TNS2: variants seen among roughly 807,000 people sequenced by gnomAD.
TNS2 encodes tensin-2.
TNS2 carries 77 observed loss-of-function variants against 155.7 expected under a neutral mutation model. That is an observed-to-expected ratio of 0.49 (90% CI 0.41 to 0.60). The LOEUF is 0.60. TNS2 is among the 20% of genes least tolerant of loss of function. The probability of loss-of-function intolerance (pLI) is 0.00; values close to 1 mark genes in which losing one functional copy is unlikely to be tolerated. For synonymous variants in TNS2, 726 were observed against 763.9 expected (o/e 0.95, Z 0.82); for missense variants, 1,703 against 1,868.8 (o/e 0.91, Z 1.64).
At position 53,060,616 on chromosome 12, in the gene TNS2, G is replaced by A. The variant is rs1025422134; in HGVS notation, c.2769-59G>A. The stretch of plus-strand genomic sequence containing the variant: ...TTGTCCAAGCAGTTGATGAAGGCAG[G>A]TGGGGTGGGAGCAGCCACAATGGGG... On this transcript the variant is annotated intron_variant, in intron 19 of 28. Transcript: ENST00000314250. This position sits in a 1 kb window ranked among gnomAD's most constrained non-coding sequence, Gnocchi z 6.1. 11 of 1,595,126 alleles carry A rather than the reference G, an allele frequency of 6.9e-6. No homozygotes were observed. The South Asian group carries it at 1.1e-4, about 16-fold the overall frequency.
In TNS2 at chr12:53,060,950, C is replaced by A; in HGVS notation, c.3044C>A (p.Ala1015Asp). 6.2e-7 allele frequency: 1 copy of A among 1,602,702 alleles called. No homozygotes were observed. Among genetic ancestry groups the A allele is most frequent in the Non-Finnish European group, 8.5e-7 (1 of 1,175,162 alleles). ...ACCACACTTCCTGGCCTCCGCCACGCCCCCTGGCAAGGCCCTCGAGGCCCC... is the reference window on the plus strand; with the variant it reads ...ACCACACTTCCTGGCCTCCGCCACGACCCCTGGCAAGGCCCTCGAGGCCCC... ...VPTTLPGLRH[A>D]PWQGPRGPPD... Residue 1015 changes from alanine (A) to aspartate (D), a missense_variant, in exon 20 of 29, where the codon GCC becomes GAC. Coordinates refer to ENST00000314250, the MANE Select transcript of TNS2 (RefSeq NM_170754.4). This position sits in a 1 kb window ranked among gnomAD's most constrained non-coding sequence, Gnocchi z 6.1.
Position 53,059,961 on chromosome 12 carries a change from C to T in TNS2, c.2320C>T (p.Pro774Ser). ...CGAGGGCTGCTCCTACACCATGTGC[C>T]CCGAAGGCAGGTATGGGCATCCAGG... ...GHEGCSYTMC[P>S]EGRYGHPGYP... Residue 774 changes from proline (P) to serine (S), a missense_variant, in exon 18 of 29, where the codon CCC becomes TCC. Pro to Ser is a moderately conservative substitution (Grantham distance 74). Coordinates refer to ENST00000314250, the MANE Select transcript of TNS2 (RefSeq NM_170754.4). The surrounding 1 kb of genome is among the most constrained non-coding windows in gnomAD (Gnocchi z 4.7). 1 of 1,612,810 alleles carries T rather than the reference C, an allele frequency of 6.2e-7. No individual in the cohort carries two copies. Among genetic ancestry groups the T allele is most frequent in the Non-Finnish European group, 8.5e-7 (1 of 1,179,684 alleles).
chr12:53,063,687 G>A lies in TNS2; in HGVS notation c.4092-57G>A. 2 of 1,614,078 alleles carry A rather than the reference G, an allele frequency of 1.2e-6. No homozygotes were observed. The highest frequency in any genetic ancestry group is 1.7e-6 in the Non-Finnish European group (2 of 1,179,962). On this transcript the variant is annotated intron_variant, in intron 28 of 28. Coordinates refer to ENST00000314250, the MANE Select transcript of TNS2 (RefSeq NM_170754.4). The surrounding 1 kb of genome is among the most constrained non-coding windows in gnomAD (Gnocchi z 5.6). ...CATTTGATTTGTCTCACCAAGGCCA[G>A]CTACATTCCCTTGTGGAAGGAATGT...
rs776262989 is a variant in TNS2, at chr12:53,062,390, T to C, written c.3682T>C (p.Leu1228=). Residue 1228 remains leucine, a synonymous_variant, in exon 24 of 29, where the codon TTG becomes CTG. Coordinates refer to ENST00000314250, the MANE Select transcript of TNS2 (RefSeq NM_170754.4). ...CTCTCCCACAGGCAGCCTGTCCGCC[T>C]TGGTCTCCCAGCACTCCATCTCCCC... The part of the protein sequence containing the change: ...SEPYFGSLSA[L]VSQHSISPIS... The C allele has an allele frequency of 1.2e-6, 2 of 1,614,018 alleles. No homozygotes were observed. Among genetic ancestry groups the C allele is most frequent in the African/African-American group, 1.3e-5 (1 of 75,012 alleles).
In TNS2 at chr12:53,050,223, C is replaced by T. The variant is rs749029842; in HGVS notation, c.38C>T (p.Ala13Val). 1.1e-4 allele frequency: 185 copies of T among 1,610,530 alleles called. 6 individuals carry two copies. In the East Asian group the frequency reaches 2.1e-3, roughly 18 times the overall value. ...GGCCCTGTGGAGAGGCTGCTCAGAG[C>T]CCTGGGGAGGAGGGACAGCAGCCGG... ...SSGPVERLLR[A>V]LGRRDSSRAA... Residue 13 changes from alanine to valine, a missense_variant, in exon 1 of 29, where the codon GCC (alanine) becomes GTC (valine). By Grantham distance (64) the Ala-to-Val change is moderately conservative. Transcript: ENST00000314250. The surrounding 1 kb of genome is among the most constrained non-coding windows in gnomAD (Gnocchi z 4.7).
Position 53,057,638 on chromosome 12 carries a change from ATG to A in TNS2, c.920_921del (p.Val307AlafsTer9). 6.2e-7 allele frequency: 1 copy of A among 1,614,042 alleles called. No homozygotes were observed. On this transcript the variant is annotated frameshift_variant, in exon 12 of 29. Transcript: ENST00000314250. LOFTEE classifies it high-confidence loss of function. ...AACAGCAGCCCTCTCTTCCTGCACT[ATG>A]TGCTCATCCCCATGCTGCCAGCCTT...
Position 53,059,587 on chromosome 12 carries a change from A to C in TNS2, c.1946A>C (p.Glu649Ala). Reference sequence around the variant, plus strand: ...AGGCGCCTCTGCCGATCGCTGTCAGAGGGGCTATACCCCTACCCACCTGAG... The same window carrying C: ...AGGCGCCTCTGCCGATCGCTGTCAGCGGGGCTATACCCCTACCCACCTGAG... The part of the protein sequence containing the change: ...EKRRLCRSLS[E>A]GLYPYPPEMG... Residue 649 changes from glutamate (E) to alanine (A), a missense_variant, in exon 18 of 29, where the codon GAG becomes GCG. Transcript: ENST00000314250. This position sits in a 1 kb window ranked among gnomAD's most constrained non-coding sequence, Gnocchi z 4.7. 1 of 1,606,194 alleles carries C rather than the reference A, an allele frequency of 6.2e-7. No individual in the cohort carries two copies. The highest frequency in any genetic ancestry group is 8.5e-7 in the Non-Finnish European group (1 of 1,176,692).
At position 53,050,915 on chromosome 12, in the gene TNS2, C is replaced by CG. The variant is rs1205726906; in HGVS notation, c.75+658dup. Among the ~76,000 whole-genome samples, 9 of 152,138 alleles carry CG rather than the reference C, an allele frequency of 5.9e-5. No individual in the cohort carries two copies. Among genetic ancestry groups the CG allele is most frequent in the Middle Eastern group, 3.4e-3 (1 of 294 alleles). On this transcript the variant is annotated intron_variant, in intron 1 of 28. Coordinates refer to ENST00000314250, the MANE Select transcript of TNS2 (RefSeq NM_170754.4). This position sits in a 1 kb window ranked among gnomAD's most constrained non-coding sequence, Gnocchi z 4.7. ...CTGAGATACTACTGTGATGGGTCCC[C>CG]GGGAGGAGGACAGCAGGAGTCTGAA... is the stretch of plus-strand genomic sequence containing the variant.
At position 53,062,170 on chromosome 12, in the gene TNS2, C is replaced by T; in HGVS notation, c.3592C>T (p.Leu1198=). 6.2e-7 allele frequency: 1 copy of T among 1,614,070 alleles called. No individual in the cohort carries two copies. The highest frequency in any genetic ancestry group is 8.5e-7 in the Non-Finnish European group (1 of 1,179,970). The change falls in exon 23 of 29, where the codon CTG becomes TTG. Residue 1198 remains leucine, a synonymous_variant. Transcript: ENST00000314250. ...CCTCTCAGGGGACCCCGTGGAACAG[C>T]TGGTCCGCCATTTCCTCATCGAGAC... The part of the protein sequence containing the change: ...QPWKGDPVEQ[L]VRHFLIETGP...
At position 53,064,042 on chromosome 12, in the gene TNS2, GC is replaced by G; in HGVS notation, c.*165del. 1.3e-6 allele frequency: 1 copy of G among 759,782 alleles called. No individual in the cohort carries two copies. The highest frequency in any genetic ancestry group is 2.1e-6 in the Non-Finnish European group (1 of 483,590). 47.1% of individuals were successfully genotyped at this position (759,782 alleles called of 1,614,324 possible). A position where few individuals can be genotyped will look rare whatever the true frequency, so the allele number is the denominator to read the frequency against. On this transcript the variant is annotated 3_prime_UTR_variant, in exon 29 of 29. Transcript: ENST00000314250. ...GCCTGGGACACTGCTCTCCTTCCCC[GC>G]CCCCAGCCTGCTAAGTTAAGTGGAC...
chr12:53,061,870 T>C lies in TNS2; in HGVS notation c.3504T>C (p.His1168=). 2 of 1,613,798 alleles carry C rather than the reference T, an allele frequency of 1.2e-6. No homozygotes were observed. The highest frequency in any genetic ancestry group is 1.7e-6 in the Non-Finnish European group (2 of 1,180,010). Residue 1168 remains histidine (H), a synonymous_variant, in exon 22 of 29, where the codon CAT becomes CAC. Coordinates refer to ENST00000314250, the MANE Select transcript of TNS2 (RefSeq NM_170754.4). ...GGGCCTTCCTGATCAGGGACAGTCATTCATTCCAAGGAGCTTATGGGCTGG... is the reference window on the plus strand; with the variant it reads ...GGGCCTTCCTGATCAGGGACAGTCACTCATTCCAAGGAGCTTATGGGCTGG... ...DPGAFLIRDS[H]SFQGAYGLAL...
chr12:53,054,367 G>C lies in TNS2; in HGVS notation c.448G>C (p.Asp150His), dbSNP rs997442621. 5 of 1,612,394 alleles carry C rather than the reference G, an allele frequency of 3.1e-6. No individual in the cohort carries two copies. Among genetic ancestry groups the C allele is most frequent in the Middle Eastern group, 1.6e-4 (1 of 6,078 alleles). Residue 150 changes from aspartate to histidine, a missense_variant, in exon 7 of 29, where the codon GAT becomes CAT. Transcript: ENST00000314250. ...ILAAAFPARP[D>H]EQRHRGHLRE... ...GGCCGCCGCCTTCCCCGCGCGGCCC[G>C]ATGAACAGCGGCACCGGGGCCACCT...
intron 3 of TNS2, 113 bp from the exon 4 acceptor site, chr12:53,053,298 C>A: frequency 3.3e-6 from 4 of 1,210,246 alleles, no homozygotes; most frequent in Non-Finnish European, 4.9e-6. Context: ...GGAGCCTGTG[C>A]CCATCCACTG....
rs1944256307 is a variant in TNS2, at chr12:53,058,720, C to T, written c.1298C>T (p.Thr433Ile). 6.2e-7 allele frequency: 1 copy of T among 1,614,058 alleles called. No individual in the cohort carries two copies. Among genetic ancestry groups the T allele is most frequent in the Non-Finnish European group, 8.5e-7 (1 of 1,180,010 alleles). ...SSSPEKIKGSTPRNDPSVSVD... is the reference protein window; with the variant it reads ...SSSPEKIKGSIPRNDPSVSVD... ...CCCGAGTGGCCTTCCACAGGCAGCA[C>T]TCCACGGAACGACCCCTCGGTCTCT... is the stretch of plus-strand genomic sequence containing the variant. The change falls in exon 17 of 29, where the codon ACT becomes ATT. Residue 433 changes from threonine (T) to isoleucine (I), a missense_variant. By Grantham distance (89) the Thr-to-Ile change is moderately conservative. Coordinates refer to ENST00000314250, the MANE Select transcript of TNS2 (RefSeq NM_170754.4).
chr12:53,061,147 G>T lies in TNS2; in HGVS notation c.3241G>T (p.Gly1081Trp). The T allele has an allele frequency of 1.2e-6, 2 of 1,608,972 alleles. No individual in the cohort carries two copies. Among genetic ancestry groups the T allele is most frequent in the Non-Finnish European group, 1.7e-6 (2 of 1,177,438 alleles). The stretch of plus-strand genomic sequence containing the variant: ...ACTTCCTGAGAAACGCCACCTGCCC[G>T]GGCCGGGGCAACAGCCAGGACCCTG... ...PPLPEKRHLP[G>W]PGQQPGPWGP... The change falls in exon 20 of 29, where the codon GGG becomes TGG. Residue 1081 changes from glycine (G) to tryptophan (W), a missense_variant. Gly to Trp is a radical substitution (Grantham distance 184). Coordinates refer to ENST00000314250, the MANE Select transcript of TNS2 (RefSeq NM_170754.4).
Position 53,059,570 on chromosome 12 carries a change from C to T in TNS2, c.1929C>T (p.Leu643=), listed in dbSNP as rs780817966. ...AGGCCTCGATGGAGAAGAGGCGCCTCTGCCGATCGCTGTCAGAGGGGCTAT... is the reference window on the plus strand; with the variant it reads ...AGGCCTCGATGGAGAAGAGGCGCCTTTGCCGATCGCTGTCAGAGGGGCTAT... ...YAEASMEKRR[L]CRSLSEGLYP... Residue 643 remains leucine (L), a synonymous_variant, in exon 18 of 29, where the codon CTC becomes CTT. Coordinates refer to ENST00000314250, the MANE Select transcript of TNS2 (RefSeq NM_170754.4). The surrounding 1 kb of genome is among the most constrained non-coding windows in gnomAD (Gnocchi z 4.7). The T allele has an allele frequency of 1.2e-6, 2 of 1,600,344 alleles. No homozygotes were observed. The highest frequency in any genetic ancestry group is 2.2e-5 in the South Asian group (2 of 89,494).
At position 53,061,363 on chromosome 12, in the gene TNS2, C is replaced by T. The variant is rs1372108463; in HGVS notation, c.3359-17C>T. On this transcript the variant is annotated splice_polypyrimidine_tract_variant and intron_variant, in intron 20 of 28. Transcript: ENST00000314250. ...CCGGGTACCCTGGGGTCTGAACCTA[C>T]TCCCTCCCTGTCCTAGAGCCTCCTA... 6.2e-7 allele frequency: 1 copy of T among 1,613,796 alleles called. No individual in the cohort carries two copies. Among genetic ancestry groups the T allele is most frequent in the Non-Finnish European group, 8.5e-7 (1 of 1,179,866 alleles).
In TNS2 at chr12:53,059,375, C is replaced by T. The variant is rs775879021; in HGVS notation, c.1734C>T (p.Leu578=). The T allele has an allele frequency of 6.9e-7, 1 of 1,456,450 alleles. No homozygotes were observed. Among genetic ancestry groups the T allele is most frequent in the South Asian group, 1.5e-5 (1 of 67,678 alleles). 90.2% of individuals were successfully genotyped at this position (1,456,450 alleles called of 1,614,324 possible). The change falls in exon 18 of 29, where the codon CTC becomes CTT. Residue 578 remains leucine (L), a synonymous_variant. Coordinates refer to ENST00000314250, the MANE Select transcript of TNS2 (RefSeq NM_170754.4). This position sits in a 1 kb window ranked among gnomAD's most constrained non-coding sequence, Gnocchi z 4.7. ...EQPTVGGGPH[L]GVYPGHRPGL... Reference sequence around the variant, plus strand: ...CCACTGTGGGCGGAGGCCCCCACCTCGGAGTGTATCCAGGCCATAGGCCTG... The same window carrying T: ...CCACTGTGGGCGGAGGCCCCCACCTTGGAGTGTATCCAGGCCATAGGCCTG...
rs758417022 is a variant in TNS2, at chr12:53,060,506, G to C, written c.2719G>C (p.Gly907Arg). The change falls in exon 19 of 29, where the codon GGT becomes CGT. Residue 907 changes from glycine to arginine, a missense_variant. Physicochemically the swap from Gly to Arg is moderately radical, Grantham distance 125. Coordinates refer to ENST00000314250, the MANE Select transcript of TNS2 (RefSeq NM_170754.4). This position sits in a 1 kb window ranked among gnomAD's most constrained non-coding sequence, Gnocchi z 6.1. ...ATGCAGTGCTTCGTCAGAGTTGTCTGGTCCCTCCACGCCCCTGCACACCAG... is the reference window on the plus strand; with the variant it reads ...ATGCAGTGCTTCGTCAGAGTTGTCTCGTCCCTCCACGCCCCTGCACACCAG... ...APCSASSELS[G>R]PSTPLHTSSP... 3 of 1,613,704 alleles carry C rather than the reference G, an allele frequency of 1.9e-6. No homozygotes were observed. The African/African-American group carries it at 4.0e-5, about 22-fold the overall frequency.
Sources: gnomAD v4.1 joint callset for allele counts (sites outside exome capture counted in the v4.1 genomes callset) on GRCh38, gnomAD v4.1.1 for gene constraint, Gnocchi (gnomAD v3.1) non-coding constraint, MANE v1.5 for transcripts, NCBI Gene and HGNC (gene_info 2026-07-23, HGNC 2026-07-21) for gene names.